Variants in HNMT observed in about 807,000 individuals in gnomAD.
HNMT encodes the protein histamine N-methyltransferase.
In HNMT, 30 loss-of-function variants were observed where a neutral mutation model predicts 32.1. The observed-to-expected ratio is 0.93, with a 90% CI of 0.70 to 1.27. The LOEUF is 1.27. Among genes scored for constraint, HNMT ranks in the 50% most tolerant of loss-of-function variants. HNMT has a pLI of 0.00. For missense variants in HNMT, 327 were observed against 346.0 expected, an observed-to-expected ratio of 0.95 and a Z score of 0.43; for synonymous variants, 125 against 119.0, an observed-to-expected ratio of 1.05 and a Z score of -0.33.
At chr2:137,993,818 C>A (rs945255781) in intron 2 of HNMT, among the ~76,000 whole-genome samples, 6 of 151,720 alleles carry the variant, frequency 4.0e-5, no homozygotes, top group African/African-American at 1.5e-4. Flanking sequence ...GACTGACAGA[C>A]CTCTCAGCAG....
intron 2 of HNMT, among the ~76,000 whole-genome samples, chr2:137,991,428 T>C (rs1455574379): frequency 6.6e-6 from 1 of 152,232 alleles, no homozygotes; most frequent in African/African-American, 2.4e-5. Flanking sequence ...CTCTAGGATA[T>C]GGGACAGGAC....
chr2:137,982,385 A>G (rs187534324), intron 2 of HNMT, among the ~76,000 whole-genome samples: 2 of 152,324 alleles, frequency 1.3e-5, no homozygotes, highest in Admixed American at 1.3e-4. Flanking sequence ...TTTAACATAC[A>G]GCTTGTGTGA....
At chr2:137,998,707 T>G (rs758228819) in intron 2 of HNMT, among the ~76,000 whole-genome samples, 1 of 152,178 alleles carries the variant, frequency 6.6e-6, no homozygotes, top group Non-Finnish European at 1.5e-5. Flanking sequence ...TGTCCCAGAC[T>G]GTGCTAGATA....
At chr2:137,968,879 G>C (rs1220848674) in intron 1 of HNMT, among the ~76,000 whole-genome samples, 3 of 152,154 alleles carry the variant, frequency 2.0e-5, no homozygotes, top group African/African-American at 7.2e-5. Context: ...CCATCCCAAA[G>C]TCCAAAGAAA....
rs563299674 is a variant in HNMT, at chr2:137,972,691, A to G, written c.190+2474A>G. ...ATTAATTCATTTAACCAAGACAGTT[A>G]TTTCCTGTGTGTTTTGGATATGAGT... On this transcript the variant is annotated intron_variant, in intron 2 of 5. Coordinates refer to ENST00000280097, the MANE Select transcript of HNMT (RefSeq NM_006895.3). Among the ~76,000 whole-genome samples, 36 of 152,322 alleles carry G rather than the reference A, an allele frequency of 2.4e-4. No individual in the cohort carries two copies. The South Asian group carries it at 5.0e-3, about 21-fold the overall frequency.
Position 138,014,280 on chromosome 2 carries a change from C to A in HNMT, c.*150C>A. The A allele has an allele frequency of 1.7e-6, 1 of 598,992 alleles. No homozygotes were observed. The highest frequency in any genetic ancestry group is 2.9e-6 in the Non-Finnish European group (1 of 344,442). 37.1% of individuals were successfully genotyped at this position (598,992 alleles called of 1,614,324 possible). ...TAGCAAATTCCAATACATTATTGGA[C>A]TTCCATTTGGAATCATATGGGATAC... On this transcript the variant is annotated 3_prime_UTR_variant, in exon 6 of 6. Coordinates refer to ENST00000280097, the MANE Select transcript of HNMT (RefSeq NM_006895.3).
chr2:137,974,158 A>G (rs992248355), intron 2 of HNMT, among the ~76,000 whole-genome samples: 2 of 152,218 alleles, frequency 1.3e-5, no homozygotes, highest in Non-Finnish European at 2.9e-5. Flanking sequence ...AAAACAGACC[A>G]TGTAGCTTTT....
intron 2 of HNMT, among the ~76,000 whole-genome samples, chr2:137,986,495 G>C (rs1196831326): frequency 6.6e-6 from 1 of 151,972 alleles, no homozygotes; most frequent in Non-Finnish European, 1.5e-5. Context: ...GTTCTCTTCT[G>C]GTCTTGGATT....
At position 137,987,289 on chromosome 2, in the gene HNMT, G is replaced by A. The variant is rs189006594; in HGVS notation, c.191-13629G>A. Among the ~76,000 whole-genome samples the A allele has an allele frequency of 2.0e-5, 3 of 152,204 alleles. No homozygotes were observed. In the East Asian group the frequency reaches 5.8e-4, roughly 29 times the overall value. On this transcript the variant is annotated intron_variant, in intron 2 of 5. Transcript: ENST00000280097. ...TGTGGGAAGAGACTGACTATAAACT[G>A]AGCATGTATTGCCCTACTCCCCTTA...
At chr2:138,009,823 G>T (rs1443299812) in intron 5 of HNMT, among the ~76,000 whole-genome samples, 3 of 152,032 alleles carry the variant, frequency 2.0e-5, no homozygotes, top group Admixed American at 2.0e-4. Context: ...ATCAGCCGAG[G>T]TGTTCCATCT....
At chr2:138,001,217 T>C (rs982103742) in intron 3 of HNMT, among the ~76,000 whole-genome samples, 192 bp downstream of exon 3, 1 of 152,172 alleles carries the variant, frequency 6.6e-6, no homozygotes, top group African/African-American at 2.4e-5. Context: ...TAAACTCCCT[T>C]TTCTATTAAC....
chr2:138,005,931 C>T (rs543901120), intron 5 of HNMT, among the ~76,000 whole-genome samples: 78 of 152,056 alleles, frequency 5.1e-4, no homozygotes, highest in Non-Finnish European at 7.1e-4. Flanking sequence ...ATTTTAGATA[C>T]ACAGCAGACT....
chr2:137,979,092 TTA>T lies in HNMT; in HGVS notation c.190+8883_190+8884del, dbSNP rs900983204. Reference sequence around the variant, plus strand: ...TAGTTCATATATGTTTATAGTATAGTTATATATATTATGTGTTATATATAGTA... The same window carrying T: ...TAGTTCATATATGTTTATAGTATAGTTATATATTATGTGTTATATATAGTA... On this transcript the variant is annotated intron_variant, in intron 2 of 5. Coordinates refer to ENST00000280097, the MANE Select transcript of HNMT (RefSeq NM_006895.3). Among the ~76,000 whole-genome samples, 6 of 145,614 alleles carry T rather than the reference TTA, an allele frequency of 4.1e-5. No homozygotes were observed. In the South Asian group the frequency reaches 8.4e-4, roughly 20 times the overall value.
intron 2 of HNMT, among the ~76,000 whole-genome samples, chr2:138,000,354 A>G (rs974186557): frequency 1.3e-5 from 2 of 152,062 alleles, no homozygotes; most frequent in African/African-American, 4.8e-5. Context: ...CAACTGAGCC[A>G]GGGCTATTTC....
chr2:137,964,708 TC>T, intron 1 of HNMT, 80 bp downstream of exon 1: 5 of 1,455,684 alleles, frequency 3.4e-6, no homozygotes, highest in South Asian at 1.2e-5. Flanking sequence ...TCGCTCAGCC[TC>T]GCAGGCTGGG....
intron 1 of HNMT, among the ~76,000 whole-genome samples, chr2:137,968,073 A>T (rs1680013684): frequency 6.6e-6 from 1 of 152,204 alleles, no homozygotes; most frequent in Non-Finnish European, 1.5e-5. Context: ...GGAGATCCTC[A>T]GATATAAAAT....
rs1439972813 is a variant in HNMT at position 137,970,203 on chromosome 2, T to C, written c.176T>C (p.Ile59Thr). 3.2e-6 allele frequency: 5 copies of C among 1,569,104 alleles called. No homozygotes were observed. Among genetic ancestry groups the C allele is most frequent in the Non-Finnish European group, 4.4e-6 (5 of 1,144,992 alleles). ...AAATCAGAAATTAAGATTCTAAGCA[T>C]AGGCGGAGGTGCAGGTATGAGTAAT... is the stretch of plus-strand genomic sequence containing the variant. Reference protein sequence around the residue: ...DTKSEIKILSIGGGAGEIDLQ... With the variant: ...DTKSEIKILSTGGGAGEIDLQ... Residue 59 changes from isoleucine to threonine, a missense_variant, in exon 2 of 6, where the codon ATA becomes ACA. Physicochemically the swap from Ile to Thr is moderately conservative, Grantham distance 89. Transcript: ENST00000280097.
At chr2:137,966,710 C>G (rs1679968764) in intron 1 of HNMT, among the ~76,000 whole-genome samples, 1 of 152,106 alleles carries the variant, frequency 6.6e-6, no homozygotes, top group Non-Finnish European at 1.5e-5. Flanking sequence ...TATATGCAAA[C>G]ATATCAAGGA....
intron 2 of HNMT, among the ~76,000 whole-genome samples, chr2:137,980,861 GA>G: frequency 2.0e-5 from 3 of 152,188 alleles, no homozygotes; most frequent in Middle Eastern, 6.8e-3. Context: ...GATAGAGAGA[GA>G]AAAAGAGAAG....
Sources: gnomAD v4.1 joint callset for allele counts (sites outside exome capture counted in the v4.1 genomes callset) on GRCh38, gnomAD v4.1.1 for gene constraint, MANE v1.5 for transcripts, NCBI Gene and HGNC (gene_info 2026-07-23, HGNC 2026-07-21) for gene names.